PTPN11: variants seen among roughly 807,000 people sequenced by gnomAD.
PTPN11 encodes the protein tyrosine-protein phosphatase non-receptor type 11.
In PTPN11, 6 loss-of-function variants were observed where a neutral mutation model predicts 78.8. That is an observed-to-expected ratio of 0.08 (90% CI 0.04 to 0.15). PTPN11 has a LOEUF of 0.15. Ranked by LOEUF, PTPN11 falls within the 10% of genes least tolerant of loss-of-function variation. PTPN11 has a pLI of 1.00. For synonymous variants in PTPN11, 221 were observed against 263.5 expected, an observed-to-expected ratio of 0.84 and a Z score of 1.56; for missense variants, 386 against 744.8, an observed-to-expected ratio of 0.52 and a Z score of 5.61.
intron 13 of PTPN11, among the ~76,000 whole-genome samples, chr12:112,493,112 G>A (rs550583917): frequency 2.0e-5 from 3 of 151,090 alleles, no homozygotes; most frequent in African/African-American, 7.3e-5. Flanking sequence ...AGGCTGGAGT[G>A]CAGTGCCACA....
intron 3 of PTPN11, among the ~76,000 whole-genome samples, chr12:112,451,536 C>T (rs1156666434): frequency 6.6e-6 from 1 of 152,182 alleles, no homozygotes; most frequent in East Asian, 1.9e-4. Flanking sequence ...ATGCCTACAT[C>T]AGGACTGTCT....
intron 6 of PTPN11, among the ~76,000 whole-genome samples, chr12:112,457,022 G>C (rs1319964547): frequency 6.6e-6 from 1 of 152,088 alleles, no homozygotes; most frequent in African/African-American, 2.4e-5. Context: ...ATCATGGTTT[G>C]CTGCACACAT....
intron 13 of PTPN11, among the ~76,000 whole-genome samples, chr12:112,492,812 C>T (rs368880666): frequency 1.5e-3 from 232 of 152,226 alleles, no homozygotes; most frequent in African/African-American, 5.3e-3. Context: ...TCACTGCGCC[C>T]GGCTCTCATA....
At chr12:112,471,270 A>G (rs1343018042) in intron 6 of PTPN11, among the ~76,000 whole-genome samples, 1 of 152,128 alleles carries the variant, frequency 6.6e-6, no homozygotes, top group African/African-American at 2.4e-5. Context: ...GGCATTTTAT[A>G]TATAAATTTT....
intron 13 of PTPN11, among the ~76,000 whole-genome samples, chr12:112,498,064 A>G (rs979258431): frequency 5.3e-5 from 8 of 152,242 alleles, no homozygotes; most frequent in African/African-American, 1.2e-4. Context: ...GAGGCATGAG[A>G]ATCGCTTGAA....
intron 7 of PTPN11, 63 bp from the exon 8 acceptor site, chr12:112,477,588 T>C: frequency 7.6e-7 from 1 of 1,319,390 alleles, no homozygotes; most frequent in Non-Finnish European, 1.1e-6. Flanking sequence ...GAGTAACTGA[T>C]TTGAACTGTT....
At chr12:112,475,797 T>C (rs1207628744) in intron 7 of PTPN11, among the ~76,000 whole-genome samples, 1 of 152,298 alleles carries the variant, frequency 6.6e-6, no homozygotes, top group Admixed American at 6.5e-5. Flanking sequence ...ACATGGTATA[T>C]ATGTATATCA....
chr12:112,490,496 A>G (rs2038732705), intron 13 of PTPN11, among the ~76,000 whole-genome samples: 1 of 151,982 alleles, frequency 6.6e-6, no homozygotes, highest in Non-Finnish European at 1.5e-5. Flanking sequence ...TTGTAGTGTC[A>G]CAGTTTCGCC....
At chr12:112,423,823 T>G (rs978625758) in intron 1 of PTPN11, among the ~76,000 whole-genome samples, 2 of 148,496 alleles carry the variant, frequency 1.3e-5, no homozygotes, top group Non-Finnish European at 3.0e-5. Flanking sequence ...CTTGGCTCAC[T>G]GCAGCCTCGA....
chr12:112,431,528 G>A (rs1566157045), intron 1 of PTPN11, among the ~76,000 whole-genome samples: 1 of 151,902 alleles, frequency 6.6e-6, no homozygotes, highest in Non-Finnish European at 1.5e-5. Context: ...GAGAAGCAGG[G>A]TTTTTTTTGA....
chr12:112,486,996 T>C (rs945985218), intron 11 of PTPN11: 1 of 1,051,974 alleles, frequency 9.5e-7, no homozygotes, highest in African/African-American at 1.6e-5. Flanking sequence ...ATTGAGGTGG[T>C]GGGGGTGTGG....
At chr12:112,497,414 T>A (rs140397767) in intron 13 of PTPN11, among the ~76,000 whole-genome samples, 134 of 152,328 alleles carry the variant, frequency 8.8e-4, no homozygotes, top group Non-Finnish European at 1.5e-3. Context: ...GCTGAGGTTG[T>A]AACAATGAAG....
In PTPN11 at chr12:112,504,089, C is replaced by T. The variant is rs1355031563; in HGVS notation, c.1713-606C>T. On this transcript the variant is annotated intron_variant, in intron 14 of 15. Transcript: ENST00000351677. The surrounding 1 kb of genome is among the most constrained non-coding windows in gnomAD (Gnocchi z 4.7). ...GGATTTCATTCTATGTGTGCATTTCCAACCTTTCTTCACAGTGCGATCCAA... is the reference window on the plus strand; with the variant it reads ...GGATTTCATTCTATGTGTGCATTTCTAACCTTTCTTCACAGTGCGATCCAA... 1.3e-5 allele frequency among the ~76,000 whole-genome samples: 2 copies of T among 152,168 alleles called. No individual in the cohort carries two copies. The highest frequency in any genetic ancestry group is 2.9e-5 in the Non-Finnish European group (2 of 68,042).
chr12:112,450,661 C>G, intron 3 of PTPN11, 149 bp downstream of exon 3: 2 of 807,108 alleles, frequency 2.5e-6, no homozygotes, highest in Non-Finnish European at 4.1e-6. Context: ...TAAAGTGAGA[C>G]TAATAGCATC....
At chr12:112,480,469 C>G (rs1189977713) in intron 9 of PTPN11, among the ~76,000 whole-genome samples, 1 of 150,994 alleles carries the variant, frequency 6.6e-6, no homozygotes, top group African/African-American at 2.4e-5. Context: ...CGGATTCAAG[C>G]GATTTTCCTG....
rs61942261 is a variant in PTPN11, at chr12:112,446,758, A to G, written c.137+360A>G. 2.0e-5 allele frequency among the ~76,000 whole-genome samples: 3 copies of G among 150,352 alleles called. No individual in the cohort carries two copies. The South Asian group carries it at 6.3e-4, about 31-fold the overall frequency. On this transcript the variant is annotated intron_variant, in intron 2 of 15. Transcript: ENST00000351677. ...CTTTTCAATTTTTTTTTTTTTTTAAATAGAGGTGGGATCTTCCAATGTTGG... is the reference window on the plus strand; with the variant it reads ...CTTTTCAATTTTTTTTTTTTTTTAAGTAGAGGTGGGATCTTCCAATGTTGG...
At position 112,493,339 on chromosome 12, in the gene PTPN11, G is replaced by A. The variant is rs372791755; in HGVS notation, c.1599+4164G>A. On this transcript the variant is annotated intron_variant, in intron 13 of 15. Coordinates refer to ENST00000351677, the MANE Select transcript of PTPN11 (RefSeq NM_002834.5). ...TTTCCAAAGTGGTGGGATTACAGGCGTGAGCCACTGTGCCCGGCCACTCTT... is the reference window on the plus strand; with the variant it reads ...TTTCCAAAGTGGTGGGATTACAGGCATGAGCCACTGTGCCCGGCCACTCTT... 9.9e-5 allele frequency among the ~76,000 whole-genome samples: 15 copies of A among 151,038 alleles called. No individual in the cohort carries two copies. In the East Asian group the frequency reaches 1.6e-3, roughly 16 times the overall value.
chr12:112,489,306 A>G, intron 13 of PTPN11, 131 bp downstream of exon 13: 7 of 1,069,276 alleles, frequency 6.5e-6, no homozygotes, highest in Non-Finnish European at 1.0e-5. Flanking sequence ...CAAACTCCCA[A>G]CTAAAAGGGC....
intron 1 of PTPN11, among the ~76,000 whole-genome samples, chr12:112,435,289 C>T (rs371795698): frequency 1.3e-5 from 2 of 152,228 alleles, no homozygotes; most frequent in Non-Finnish European, 2.9e-5. Context: ...CAAAGTGCTG[C>T]GATTACAGGT....
Sources: allele counts gnomAD v4.1 joint callset (sites outside exome capture counted in the v4.1 genomes callset), GRCh38; gene constraint gnomAD v4.1.1; non-coding constraint Gnocchi (gnomAD v3.1); transcripts MANE v1.5; gene names NCBI Gene and HGNC (gene_info 2026-07-23, HGNC 2026-07-21).